The following CACNA1I variants were observed in gnomAD, a reference collection of about 807,000 sequenced individuals.
The protein encoded by CACNA1I is calcium voltage-gated channel subunit alpha1 I.
In CACNA1I, 74 loss-of-function variants were observed where a neutral mutation model predicts 201.6. The observed-to-expected ratio is 0.37, with a 90% CI of 0.30 to 0.45. The LOEUF (loss-of-function observed/expected upper bound fraction) is 0.45, where lower values mean the gene tolerates loss of function less well. Among genes scored for constraint, CACNA1I ranks in the 20% least tolerant of loss-of-function variants. The probability of loss-of-function intolerance (pLI) is 1.00; values close to 1 mark genes in which losing one functional copy is unlikely to be tolerated. For synonymous variants in CACNA1I, 1,431 were observed against 1,345.2 expected (o/e 1.06, Z -1.40); for missense variants, 2,346 against 3,138.1 (o/e 0.75, Z 6.03).
chr22:39,677,283 G>T lies in CACNA1I; in HGVS notation c.4855-58G>T. 1 of 1,225,524 alleles carries T rather than the reference G, an allele frequency of 8.2e-7. No individual in the cohort carries two copies. Among genetic ancestry groups the T allele is most frequent in the Non-Finnish European group, 1.2e-6 (1 of 864,136 alleles). 75.9% of individuals were successfully genotyped at this position (1,225,524 alleles called of 1,614,324 possible). On this transcript the variant is annotated intron_variant, in intron 29 of 36. Transcript: ENST00000402142. The surrounding 1 kb of genome is among the most constrained non-coding windows in gnomAD (Gnocchi z 4.8). ...CTGCCCCAGCCTCCACCCTTCCCAG[G>T]CCTGGTGCGCCCCCACCCGCTCCCC...
chr22:39,674,199 C>A (rs760700400), intron 29 of CACNA1I, among the ~76,000 whole-genome samples, 166 bp downstream of exon 29: 15 of 152,148 alleles, frequency 9.9e-5, no homozygotes, highest in Non-Finnish European at 2.2e-4. Context: ...AGGAAGGGTC[C>A]CTTTATGCCT....
At chr22:39,669,963 C>G in intron 24 of CACNA1I, 75 bp from the exon 25 acceptor site, 1 of 1,550,684 alleles carries the variant, frequency 6.4e-7, no homozygotes, top group Non-Finnish European at 8.9e-7. Context: ...CATGGAGGCT[C>G]AGCCAGGATG....
At chr22:39,680,636 G>T (rs933360497) in intron 33 of CACNA1I, among the ~76,000 whole-genome samples, 1 of 152,202 alleles carries the variant, frequency 6.6e-6, no homozygotes, top group African/African-American at 2.4e-5. Flanking sequence ...GGGGCAAGCA[G>T]ACAGCTGTGG....
intron 3 of CACNA1I, among the ~76,000 whole-genome samples, chr22:39,609,453 G>T (rs918726644): frequency 5.9e-5 from 9 of 152,236 alleles, no homozygotes; most frequent in African/African-American, 2.2e-4. Flanking sequence ...TGATAGTTCT[G>T]CAGTGTGGGG....
At chr22:39,601,890 T>TCCCC (rs1359259601) in intron 3 of CACNA1I, among the ~76,000 whole-genome samples, 3 of 19,530 alleles carry the variant, frequency 1.5e-4, no homozygotes, top group African/African-American at 2.4e-4. Context: ...TCTCTTTCTT[T>TCCCC]CACCCTCCCT....
intron 10 of CACNA1I, among the ~76,000 whole-genome samples, chr22:39,656,127 A>T (rs1483807262): frequency 6.6e-6 from 1 of 152,110 alleles, no homozygotes; most frequent in Non-Finnish European, 1.5e-5. Flanking sequence ...GTAATTACAG[A>T]TGGAAATGGG....
chr22:39,645,824 A>G (rs1339667583), intron 7 of CACNA1I, among the ~76,000 whole-genome samples: 2 of 152,166 alleles, frequency 1.3e-5, no homozygotes, highest in African/African-American at 4.8e-5. Flanking sequence ...CCACAAGGAG[A>G]TGGGATCCCC....
intron 10 of CACNA1I, among the ~76,000 whole-genome samples, chr22:39,651,333 C>T (rs911427965): frequency 2.0e-5 from 3 of 152,234 alleles, no homozygotes; most frequent in African/African-American, 4.8e-5. Flanking sequence ...CCTCCCTCTT[C>T]GTTAGCTCAC....
At chr22:39,671,073 C>T (rs543951008) in intron 26 of CACNA1I, 119 bp downstream of exon 26, 56 of 904,320 alleles carry the variant, frequency 6.2e-5, no homozygotes, top group Non-Finnish European at 8.6e-5. Flanking sequence ...TGAGCAGCCC[C>T]TCCATGCTGG....
Position 39,634,657 on chromosome 22 carries a change from A to C in CACNA1I, c.673A>C (p.Ile225Leu), listed in dbSNP as rs1934158493. 1 of 1,613,840 alleles carries C rather than the reference A, an allele frequency of 6.2e-7. No homozygotes were observed. The highest frequency in any genetic ancestry group is 8.5e-7 in the Non-Finnish European group (1 of 1,179,864). The change falls in exon 5 of 37, where the codon ATC becomes CTC. Residue 225 changes from isoleucine to leucine, a missense_variant. Physicochemically the swap from Ile to Leu is conservative, Grantham distance 5. This residue lies in a region of CACNA1I where 227 missense variants were observed against 412.5 expected (regional missense o/e 0.55). Coordinates refer to ENST00000402142, the MANE Select transcript of CACNA1I (RefSeq NM_021096.4). The part of the protein sequence containing the change: ...LCFFVFFIFG[I>L]IGVQLWAGLL... ...CTTCTTTGTCTTCTTCATCTTTGGC[A>C]TCATAGGTGTGCAGCTCTGGGCGGG...
At chr22:39,680,878 G>C in intron 33 of CACNA1I, 52 bp from the exon 34 acceptor site, 1 of 1,575,106 alleles carries the variant, frequency 6.3e-7, no homozygotes, top group East Asian at 2.2e-5. Context: ...CCAGGACCCA[G>C]GTCTGCCCAT....
chr22:39,649,695 G>A lies in CACNA1I; in HGVS notation c.1762G>A (p.Glu588Lys), dbSNP rs750784450. Residue 588 changes from glutamate to lysine, a missense_variant, in exon 10 of 37, where the codon GAG (glutamate) becomes AAG (lysine). Transcript: ENST00000402142. The surrounding 1 kb of genome is among the most constrained non-coding windows in gnomAD (Gnocchi z 7.3). ...GSGSSAGGED[E>K]ADGDGARSSE... ...CGGGAGCTCCGCTGGTGGCGAGGAC[G>A]AGGCGGATGGGGACGGGGCCCGGAG... is the stretch of plus-strand genomic sequence containing the variant. 30 of 1,518,840 alleles carry A rather than the reference G, an allele frequency of 2.0e-5. No individual in the cohort carries two copies. The highest frequency in any genetic ancestry group is 2.8e-5 in the African/African-American group (2 of 72,694). The allele number at this position is 1,518,840 out of a possible 1,614,324, so 94.1% of individuals were successfully genotyped here.
intron 3 of CACNA1I, among the ~76,000 whole-genome samples, chr22:39,608,119 A>T (rs1445542650): frequency 6.0e-5 from 1 of 16,680 alleles, no homozygotes; most frequent in East Asian, 1.9e-3. Flanking sequence ...CCATCTCCAA[A>T]AAAAAAAAAA....
intron 4 of CACNA1I, among the ~76,000 whole-genome samples, chr22:39,627,550 T>C (rs1190154937): frequency 6.6e-6 from 1 of 152,166 alleles, no homozygotes; most frequent in Admixed American, 6.5e-5. Flanking sequence ...CCAACCAGGG[T>C]CATGGTCAGG....
chr22:39,602,642 C>T (rs1437413906), intron 3 of CACNA1I, among the ~76,000 whole-genome samples: 1 of 151,996 alleles, frequency 6.6e-6, no homozygotes, highest in African/African-American at 2.4e-5. Flanking sequence ...TGAGTGTGGA[C>T]CGTTATTTGT....
intron 4 of CACNA1I, among the ~76,000 whole-genome samples, chr22:39,628,811 G>A (rs1225604220): frequency 6.6e-6 from 1 of 152,188 alleles, no homozygotes; most frequent in African/African-American, 2.4e-5. Context: ...CAGTGGCCAG[G>A]CCACAGCCTC....
intron 7 of CACNA1I, 113 bp from the exon 8 acceptor site, chr22:39,646,446 TCTCCCTCTGC>T: frequency 7.1e-7 from 1 of 1,409,794 alleles, no homozygotes; most frequent in Non-Finnish European, 9.4e-7. Context: ...CATCTCCCCA[TCTCCCTCTGC>T]CTCCCTCTCC....
chr22:39,670,822 C>T lies in CACNA1I; in HGVS notation c.4407C>T (p.Tyr1469=), dbSNP rs915097394. ...CTGCAGAGGCCCAGCGGCTGCCCTA[C>T]TATGCCACCTATTGTCACACCCGGC... ...KKRRKAQRLP[Y]YATYCHTRLL... The change falls in exon 26 of 37, where the codon TAC becomes TAT. Residue 1469 remains tyrosine (Y), a synonymous_variant. Coordinates refer to ENST00000402142, the MANE Select transcript of CACNA1I (RefSeq NM_021096.4). The T allele has an allele frequency of 1.9e-6, 3 of 1,613,856 alleles. No homozygotes were observed. Among genetic ancestry groups the T allele is most frequent in the African/African-American group, 2.7e-5 (2 of 74,914 alleles).
chr22:39,661,339 G>T, intron 16 of CACNA1I, 29 bp downstream of exon 16: 2 of 1,499,022 alleles, frequency 1.3e-6, no homozygotes, highest in Non-Finnish European at 8.9e-7. Flanking sequence ...CTCTGGACGG[G>T]CGCTTCCTGC....
Sources: gnomAD v4.1 joint callset for allele counts (sites outside exome capture counted in the v4.1 genomes callset) on GRCh38, gnomAD v4.1.1 for gene constraint, gnomAD v4.1.1 regional missense constraint, Gnocchi (gnomAD v3.1) non-coding constraint, MANE v1.5 for transcripts, NCBI Gene and HGNC (gene_info 2026-07-23, HGNC 2026-07-21) for gene names.